Variants in PTPN3 observed in about 807,000 individuals in gnomAD.
The protein encoded by PTPN3 is protein tyrosine phosphatase non-receptor type 3, also known as tyrosine-protein phosphatase non-receptor type 3.
A neutral mutation model predicts 132.7 loss-of-function variants in PTPN3; 96 were observed. The ratio of observed to expected loss-of-function variants is 0.72; its 90% CI spans 0.61 to 0.86. The LOEUF (loss-of-function observed/expected upper bound fraction) is 0.86. Among genes scored for constraint, PTPN3 ranks in the 40% least tolerant of loss-of-function variants. The pLI is 0.00. For missense variants in PTPN3, 1,125 were observed against 1,159.6 expected (o/e 0.97, Z 0.43); for synonymous variants, 398 against 429.0 (o/e 0.93, Z 0.89).
In PTPN3 at chr9:109,383,709, G is replaced by A. The variant is rs77174202; in HGVS notation, c.2254-158C>T. 9.0e-3 allele frequency among the ~76,000 whole-genome samples: 1,368 copies of A among 152,306 alleles called. 22 individuals carry two copies. The highest frequency in any genetic ancestry group is 0.031 in the African/African-American group (1,293 of 41,558). Reference sequence around the variant, plus strand: ...AGCCAAGTCCATCAGCTGTTTCTCAGGGCGGGGTGGGGGCAGCCTGCCAGG... The same window carrying A: ...AGCCAAGTCCATCAGCTGTTTCTCAAGGCGGGGTGGGGGCAGCCTGCCAGG... On this transcript the variant is annotated intron_variant, in intron 22 of 25. Transcript: ENST00000374541.
At chr9:109,533,280 G>A in the PTPN3 span, among the ~76,000 whole-genome samples, 1 of 151,304 alleles carries the variant, frequency 6.6e-6, no homozygotes, top group Non-Finnish European at 1.5e-5. Context: ...GAGTAGCTGG[G>A]ACTACAGGCG....
At chr9:109,501,072 A>G (rs761562279), upstream of PTPN3, among the ~76,000 whole-genome samples, 17 of 152,310 alleles carry the variant, frequency 1.1e-4, no homozygotes, top group Non-Finnish European at 2.1e-4. Context: ...TTAAAAGTTT[A>G]TTAATGTCAC....
At chr9:109,450,930 AAATTTCCTTCAGAGGG>A in intron 5 of PTPN3, 5 of 985,290 alleles carry the variant, frequency 5.1e-6, no homozygotes, top group Non-Finnish European at 4.8e-6. Flanking sequence ...TTGAGAGCTA[AAATTTCCTTCAGAGGG>A]AATTTCCTTA....
intron 14 of PTPN3, among the ~76,000 whole-genome samples, chr9:109,418,513 T>A (rs1475129151): frequency 1.3e-5 from 2 of 152,206 alleles, no homozygotes; most frequent in African/African-American, 4.8e-5. Context: ...CCAAACCTAC[T>A]CCCACATGAA....
chr9:109,459,304 C>T (rs1296121807), intron 2 of PTPN3, among the ~76,000 whole-genome samples: 1 of 152,238 alleles, frequency 6.6e-6, no homozygotes, highest in Non-Finnish European at 1.5e-5. Context: ...GCTTCCCTGA[C>T]ATCTGCTCCT....
intron 25 of PTPN3, 102 bp from the exon 26 acceptor site, chr9:109,379,735 G>A (rs924925783): frequency 1.2e-4 from 121 of 994,552 alleles, no homozygotes; most frequent in Admixed American, 9.6e-5. Context: ...AATATTCCCT[G>A]AGCGCCAACT....
the PTPN3 span, among the ~76,000 whole-genome samples, chr9:109,519,556 A>G: frequency 2.0e-5 from 3 of 152,188 alleles, no homozygotes; most frequent in South Asian, 2.1e-4. Context: ...AGGGCAGAGA[A>G]GGAACTTCCT....
chr9:109,394,552 C>T (rs1184257586), intron 19 of PTPN3, among the ~76,000 whole-genome samples: 1 of 151,816 alleles, frequency 6.6e-6, no homozygotes, highest in Non-Finnish European at 1.5e-5. Flanking sequence ...AAGTGGTTCT[C>T]ATGCCTCAGC....
intron 21 of PTPN3, among the ~76,000 whole-genome samples, chr9:109,390,749 G>A (rs1387792999): frequency 6.6e-6 from 1 of 151,916 alleles, no homozygotes; most frequent in East Asian, 1.9e-4. Context: ...GTACAGAGGA[G>A]GTTTTATTTT....
Position 109,377,887 on chromosome 9 carries a change from T to C in PTPN3, c.*1669A>G, listed in dbSNP as rs895268590. 3 of 152,214 alleles carry C rather than the reference T, an allele frequency of 2.0e-5. No homozygotes were observed. Among genetic ancestry groups the C allele is most frequent in the African/African-American group, 7.2e-5 (3 of 41,452 alleles). The allele number at this position is 152,214 out of a possible 1,614,324, so 9.4% of individuals were successfully genotyped here. Reference sequence around the variant, plus strand: ...GAGTGGGCGTAGGAACTGAATCCCCTGCCCCTTAGCTGCAAACTTTCTGGT... The same window carrying C: ...GAGTGGGCGTAGGAACTGAATCCCCCGCCCCTTAGCTGCAAACTTTCTGGT... On this transcript the variant is annotated 3_prime_UTR_variant, in exon 26 of 26. Transcript: ENST00000374541.
intron 1 of PTPN3, among the ~76,000 whole-genome samples, chr9:109,491,283 T>G (rs1467075167): frequency 1.3e-5 from 2 of 152,144 alleles, no homozygotes; most frequent in Non-Finnish European, 2.9e-5. Flanking sequence ...ATTCTAAAAT[T>G]TGTATTGTAG....
intron 19 of PTPN3, among the ~76,000 whole-genome samples, chr9:109,400,900 T>A (rs908321324): frequency 6.6e-6 from 1 of 152,178 alleles, no homozygotes; most frequent in African/African-American, 2.4e-5. Context: ...AACACCATTC[T>A]CGCACCTGTA....
chr9:109,430,575 AC>A (rs1843587929), intron 10 of PTPN3, among the ~76,000 whole-genome samples: 1 of 152,172 alleles, frequency 6.6e-6, no homozygotes, highest in African/African-American at 2.4e-5. Flanking sequence ...CCTAGGATGT[AC>A]AAAGTTCTAT....
At chr9:109,414,018 G>A (rs961581826) in intron 14 of PTPN3, among the ~76,000 whole-genome samples, 1 of 152,178 alleles carries the variant, frequency 6.6e-6, no homozygotes, top group African/African-American at 2.4e-5. Context: ...AAGGTCAGGA[G>A]ACCCTAGTGC....
chr9:109,405,371 G>A (rs900776596), intron 18 of PTPN3, among the ~76,000 whole-genome samples: 5 of 152,174 alleles, frequency 3.3e-5, no homozygotes, highest in Non-Finnish European at 7.4e-5. Context: ...AGTATGGAGT[G>A]TCAGCCAAAC....
In PTPN3 at chr9:109,408,486, T is replaced by C. The variant is rs544217749; in HGVS notation, c.1579-109A>G. 4 of 723,920 alleles carry C rather than the reference T, an allele frequency of 5.5e-6. No homozygotes were observed. The African/African-American group carries it at 7.1e-5, about 13-fold the overall frequency. The allele number at this position is 723,920 out of a possible 1,614,324, so 44.8% of individuals were successfully genotyped here. A position where few individuals can be genotyped will look rare whatever the true frequency, so the allele number is the denominator to read the frequency against. On this transcript the variant is annotated intron_variant, in intron 16 of 25. Transcript: ENST00000374541. Reference sequence around the variant, plus strand: ...TCAACAACATGGAGGTACCAATAAATGTGAGTCTTTGGTACAGGGAGGCTT... The same window carrying C: ...TCAACAACATGGAGGTACCAATAAACGTGAGTCTTTGGTACAGGGAGGCTT...
intron 5 of PTPN3, chr9:109,449,537 G>A (rs1340566647): frequency 9.1e-6 from 9 of 985,410 alleles, no homozygotes; most frequent in Admixed American, 1.2e-4. Flanking sequence ...AGGCCCCTCA[G>A]CCTGTGACTT....
intron 4 of PTPN3, among the ~76,000 whole-genome samples, chr9:109,456,789 G>A (rs535656714): frequency 2.0e-5 from 3 of 152,182 alleles, no homozygotes; most frequent in African/African-American, 4.8e-5. Context: ...CCGTGAACGC[G>A]ACTATGCTGT....
intron 19 of PTPN3, 58 bp downstream of exon 19, chr9:109,404,390 G>A: frequency 3.2e-6 from 4 of 1,239,976 alleles, no homozygotes; most frequent in Non-Finnish European, 4.3e-6. Context: ...ACTGCTCAGA[G>A]GCAGGGGCAG....
Sources: gnomAD v4.1 joint callset for allele counts (sites outside exome capture counted in the v4.1 genomes callset) on GRCh38, gnomAD v4.1.1 for gene constraint, MANE v1.5 for transcripts, NCBI Gene and HGNC (gene_info 2026-07-23, HGNC 2026-07-21) for gene names.